Variants in TENM2 observed in about 807,000 individuals in gnomAD.
TENM2 encodes the protein teneurin-2.
TENM2 carries 52 observed loss-of-function variants against 245.2 expected under a neutral mutation model. The observed-to-expected ratio is 0.21, with a 90% confidence interval of 0.17 to 0.27. TENM2 has a LOEUF of 0.27. Ranked by LOEUF, TENM2 falls within the 10% of genes least tolerant of loss-of-function variation. The pLI, the probability that TENM2 is intolerant of heterozygous loss-of-function variation, is 1.00. For synonymous variants in TENM2, 1,363 were observed against 1,438.9 expected (o/e 0.95, Z 1.19); for missense variants, 3,046 against 3,666.8 (o/e 0.83, Z 4.37).
chr5:168,080,303 T>C (rs1791874406), intron 7 of TENM2, among the ~76,000 whole-genome samples: 1 of 152,224 alleles, frequency 6.6e-6, no homozygotes, highest in African/African-American at 2.4e-5. Flanking sequence ...GTATTGCATC[T>C]ATTTGATTCT....
intron 2 of TENM2, among the ~76,000 whole-genome samples, chr5:167,545,348 GGTGGTCTTCTAAAAT>G (rs1772485774): frequency 6.6e-6 from 1 of 151,966 alleles, no homozygotes. Context: ...TGGGCTTTTT[GGTGGTCTTCTAAAAT>G]GGCCACTTTT....
intron 1 of TENM2, among the ~76,000 whole-genome samples, chr5:167,327,097 C>A (rs937219337): frequency 6.6e-6 from 1 of 152,056 alleles, no homozygotes; most frequent in Non-Finnish European, 1.5e-5. Context: ...CATATGTATA[C>A]ATGTGCCATG....
chr5:167,451,609 C>G (rs13181278), intron 2 of TENM2, among the ~76,000 whole-genome samples: 35,304 of 151,750 alleles, frequency 0.23, 4,481 homozygotes, highest in East Asian at 0.29. Context: ...CGTTTTCTAT[C>G]TCAAGGGTGC....
At chr5:167,336,853 C>T (rs1355911442) in intron 1 of TENM2, among the ~76,000 whole-genome samples, 2 of 148,978 alleles carry the variant, frequency 1.3e-5, no homozygotes, top group African/African-American at 4.9e-5. Flanking sequence ...TGCGGTGGCT[C>T]ACGCCTGTAA....
At chr5:168,045,147 C>T (rs542943123) in intron 5 of TENM2, among the ~76,000 whole-genome samples, 1 of 152,304 alleles carries the variant, frequency 6.6e-6, no homozygotes, top group Admixed American at 6.5e-5. Context: ...TTCTCCACCT[C>T]CATCTCACTT....
At chr5:167,988,957 A>G (rs2151995316) in intron 4 of TENM2, among the ~76,000 whole-genome samples, 1 of 152,350 alleles carries the variant, frequency 6.6e-6, no homozygotes, top group Non-Finnish European at 1.5e-5. Flanking sequence ...AAATAACATT[A>G]AAGCCAATTT....
At chr5:167,253,320 A>G in the TENM2 span, among the ~76,000 whole-genome samples, 8 of 150,812 alleles carry the variant, frequency 5.3e-5, no homozygotes, top group African/African-American at 1.7e-4. Flanking sequence ...CTGGTCCCAA[A>G]CTACTGGGCT....
chr5:167,415,016 A>G (rs1370453269), intron 2 of TENM2, among the ~76,000 whole-genome samples: 2 of 152,086 alleles, frequency 1.3e-5, no homozygotes, highest in African/African-American at 4.8e-5. Flanking sequence ...GACTTTGGTG[A>G]GAAAAGCTCC....
intron 2 of TENM2, among the ~76,000 whole-genome samples, chr5:167,726,639 T>C (rs1760027378): frequency 6.6e-6 from 1 of 152,086 alleles, no homozygotes; most frequent in South Asian, 2.1e-4. Flanking sequence ...TTTTATTTTT[T>C]GTAGTGATGG....
the TENM2 span, among the ~76,000 whole-genome samples, chr5:167,242,031 C>CT: frequency 7.1e-6 from 1 of 141,542 alleles, no homozygotes; most frequent in Middle Eastern, 3.6e-3. Flanking sequence ...TCTTTGTTTT[C>CT]TTTTTTTGTT....
At chr5:167,931,139 G>A (rs1778251174) in intron 3 of TENM2, among the ~76,000 whole-genome samples, 1 of 152,196 alleles carries the variant, frequency 6.6e-6, no homozygotes, top group African/African-American at 2.4e-5. Context: ...TATAGAGATT[G>A]TCAACAGCAA....
At chr5:167,630,271 G>T (rs184963102) in intron 2 of TENM2, among the ~76,000 whole-genome samples, 1 of 151,922 alleles carries the variant, frequency 6.6e-6, no homozygotes, top group East Asian at 1.9e-4. Context: ...GGTAGAATAG[G>T]GTTACCTGAA....
chr5:167,302,140 C>T (rs952536416), intron 1 of TENM2, among the ~76,000 whole-genome samples: 5 of 152,064 alleles, frequency 3.3e-5, no homozygotes, highest in African/African-American at 9.7e-5. Flanking sequence ...ACATCAGGCA[C>T]CTCAGACCGT....
intron 5 of TENM2, 69 bp from the exon 8 acceptor site, chr5:168,047,358 G>T (rs1337368050): frequency 6.5e-7 from 1 of 1,536,146 alleles, no homozygotes; most frequent in Non-Finnish European, 8.8e-7. Flanking sequence ...AGGGCACCTG[G>T]CCCTCCCCCT....
At chr5:167,411,386 T>A (rs1391382166) in intron 2 of TENM2, among the ~76,000 whole-genome samples, 1 of 152,120 alleles carries the variant, frequency 6.6e-6, no homozygotes, top group Non-Finnish European at 1.5e-5. Flanking sequence ...CTTTCCACTT[T>A]AATTGTGAAG....
intron 2 of TENM2, among the ~76,000 whole-genome samples, chr5:167,617,199 T>C (rs1022693817): frequency 5.9e-5 from 9 of 152,242 alleles, no homozygotes; most frequent in Admixed American, 1.3e-4. Flanking sequence ...TCTCTGCATT[T>C]TAAAATGACT....
the TENM2 span, among the ~76,000 whole-genome samples, chr5:167,249,145 T>C: frequency 6.6e-6 from 1 of 152,180 alleles, no homozygotes; most frequent in Non-Finnish European, 1.5e-5. Flanking sequence ...TAGAAGAGTT[T>C]TCAAAATTTA....
At chr5:168,057,300 C>T (rs796299517) in intron 6 of TENM2, among the ~76,000 whole-genome samples, 22 of 144,560 alleles carry the variant, frequency 1.5e-4, no homozygotes, top group African/African-American at 5.3e-4. Flanking sequence ...CTACCCCTGT[C>T]GCCTCGCCCA....
the TENM2 span, among the ~76,000 whole-genome samples, chr5:167,007,053 A>C: frequency 6.6e-6 from 1 of 152,176 alleles, no homozygotes; most frequent in Non-Finnish European, 1.5e-5. This position sits in a 1 kb window ranked among gnomAD's most constrained non-coding sequence, Gnocchi z 4.2. Flanking sequence ...ATGCCTCTGT[A>C]GTACCTAATT....
Sources: gnomAD v4.1 joint callset for allele counts (sites outside exome capture counted in the v4.1 genomes callset) on GRCh38, gnomAD v4.1.1 for gene constraint, Gnocchi (gnomAD v3.1) non-coding constraint, MANE v1.5 for transcripts, NCBI Gene and HGNC (gene_info 2026-07-23, HGNC 2026-07-21) for gene names.